Variants in RANBP10 observed in about 807,000 individuals in gnomAD.
RANBP10 encodes the protein ran-binding protein 10.
Under a neutral mutation model 72.8 loss-of-function variants are expected in RANBP10, and 24 were observed. That is an observed-to-expected ratio of 0.33 (90% confidence interval 0.24 to 0.46). The LOEUF is 0.46. Ranked by LOEUF, RANBP10 falls within the 20% of genes least tolerant of loss-of-function variation. The pLI, the probability that RANBP10 is intolerant of heterozygous loss-of-function variation, is 1.00. For synonymous variants in RANBP10, 310 were observed against 322.3 expected, an observed-to-expected ratio of 0.96 and a Z score of 0.41; for missense variants, 679 against 817.5, an observed-to-expected ratio of 0.83 and a Z score of 2.07.
rs577440903 is a variant in RANBP10, at chr16:67,748,384, G to A, written c.401-3929C>T. 4.2e-4 allele frequency among the ~76,000 whole-genome samples: 64 copies of A among 151,804 alleles called. 1 individual carries two copies. Among genetic ancestry groups the A allele is most frequent in the Non-Finnish European group, 6.0e-4 (41 of 67,942 alleles). ...AAAATACAAAAAAAATTAGCCGGGC[G>A]TGGTGGCGGGCGCCTGTAATCCCAA... On this transcript the variant is annotated intron_variant, in intron 3 of 13. Transcript: ENST00000317506.
rs1373558324 is a variant in RANBP10 at position 67,728,442 on chromosome 16, A to G, written c.1422T>C (p.Ile474=). 20 of 1,613,956 alleles carry G rather than the reference A, an allele frequency of 1.2e-5. No homozygotes were observed. The Admixed American group carries it at 2.7e-4, about 22-fold the overall frequency. ...CCTCATGCTTGTAGGCACCATTAACAATGCGTGTGGACATGCTTCCTAGCA... is the reference window on the plus strand; with the variant it reads ...CCTCATGCTTGTAGGCACCATTAACGATGCGTGTGGACATGCTTCCTAGCA... The part of the protein sequence containing the change: ...NGVLGSMSTR[I]VNGAYKHEDL... Residue 474 remains isoleucine, a synonymous_variant, in exon 11 of 14, where the codon ATT becomes ATC. Transcript: ENST00000317506.
intron 3 of RANBP10, among the ~76,000 whole-genome samples, chr16:67,768,393 C>T (rs920728889): frequency 1.3e-5 from 2 of 151,800 alleles, no homozygotes; most frequent in African/African-American, 2.4e-5. Flanking sequence ...TGGTGGTGTG[C>T]GCCTGTAATC....
At chr16:67,791,543 G>A (rs1195847101) in intron 2 of RANBP10, among the ~76,000 whole-genome samples, 2 of 152,148 alleles carry the variant, frequency 1.3e-5, no homozygotes, top group Non-Finnish European at 2.9e-5. Context: ...GTTGGAGGCT[G>A]CAGGAAGGTA....
intron 3 of RANBP10, among the ~76,000 whole-genome samples, chr16:67,745,366 C>A (rs1204877550): frequency 6.6e-6 from 1 of 151,032 alleles, no homozygotes; most frequent in Non-Finnish European, 1.5e-5. Context: ...ACAGAGTCTC[C>A]CTCTGTCACC....
chr16:67,775,011 G>T (rs1196443356), intron 2 of RANBP10, among the ~76,000 whole-genome samples: 2 of 152,124 alleles, frequency 1.3e-5, no homozygotes, highest in African/African-American at 4.8e-5. Context: ...ACACAACAAA[G>T]GTCATATATG....
intron 2 of RANBP10, among the ~76,000 whole-genome samples, chr16:67,781,808 T>A (rs997979957): frequency 3.9e-5 from 6 of 152,118 alleles, no homozygotes; most frequent in African/African-American, 7.2e-5. Flanking sequence ...TAGGCACTGC[T>A]TGGGACAAGT....
At chr16:67,787,727 T>A (rs1481542975) in intron 2 of RANBP10, among the ~76,000 whole-genome samples, 1 of 151,978 alleles carries the variant, frequency 6.6e-6, no homozygotes, top group African/African-American at 2.4e-5. Context: ...CTAGGCTGGG[T>A]ATGGTGGCAC....
intron 3 of RANBP10, among the ~76,000 whole-genome samples, chr16:67,745,266 G>A (rs1361814724): frequency 1.3e-5 from 2 of 152,158 alleles, no homozygotes; most frequent in Non-Finnish European, 1.5e-5. Context: ...GTGAGCCACC[G>A]TGCCTGGCCT....
chr16:67,731,491 C>G lies in RANBP10; in HGVS notation c.870G>C (p.Ala290=), dbSNP rs148003064. 13 of 1,613,442 alleles carry G rather than the reference C, an allele frequency of 8.1e-6. No homozygotes were observed. Among genetic ancestry groups the G allele is most frequent in the Middle Eastern group, 1.6e-4 (1 of 6,084 alleles). The change falls in exon 7 of 14, where the codon GCG becomes GCC. Residue 290 remains alanine, a synonymous_variant. Transcript: ENST00000317506. ...MTETPIQEEQ[A]SIKNRQKIQK... is the part of the protein sequence containing the mutation. ...CCTTACTTTGTCTGTTCTTTATGGA[C>G]GCCTGTTCTTCCTGAATCGGGGTTT...
At chr16:67,791,216 T>C (rs2055021636) in intron 2 of RANBP10, among the ~76,000 whole-genome samples, 1 of 151,962 alleles carries the variant, frequency 6.6e-6, no homozygotes, top group Non-Finnish European at 1.5e-5. Flanking sequence ...GGTTTCACCA[T>C]GTTAGCCAGG....
At chr16:67,799,445 G>GCT (rs1567717721) in intron 2 of RANBP10, among the ~76,000 whole-genome samples, 2 of 151,860 alleles carry the variant, frequency 1.3e-5, no homozygotes, top group African/African-American at 2.4e-5. Flanking sequence ...CCGCCACCAT[G>GCT]CCTGGCTAAT....
At position 67,790,045 on chromosome 16, in the gene RANBP10, G is replaced by A. The variant is rs188010281; in HGVS notation, c.347+15383C>T. ...TGGGAGGCGGAGGTTGCAGTGAGCC[G>A]AGATCGCACCACTGCACTCCAGCCT... On this transcript the variant is annotated intron_variant, in intron 2 of 13. Coordinates refer to ENST00000317506, the MANE Select transcript of RANBP10 (RefSeq NM_020850.3). Among the ~76,000 whole-genome samples, 1,123 of 151,190 alleles carry A rather than the reference G, an allele frequency of 7.4e-3. 48 individuals carry two copies. The highest frequency in any genetic ancestry group is 0.026 in the African/African-American group (1,065 of 40,906).
At chr16:67,768,479 C>A (rs1480040132) in intron 3 of RANBP10, among the ~76,000 whole-genome samples, 2 of 151,972 alleles carry the variant, frequency 1.3e-5, no homozygotes, top group Non-Finnish European at 1.5e-5. Context: ...CGAGATCGTG[C>A]CAGTTCACTA....
intron 7 of RANBP10, chr16:67,731,125 T>C (rs569270075): frequency 7.0e-6 from 2 of 285,922 alleles, no homozygotes; most frequent in African/African-American, 4.5e-5. Context: ...CAAACAGCCT[T>C]CCTGGAAGAC....
Position 67,724,805 on chromosome 16 carries a change from G to C in RANBP10, c.*1623C>G, listed in dbSNP as rs942162748. Reference sequence around the variant, plus strand: ...GTCCACCAATATGGAGCAGGAGCTTGCAAAGCCCAGATTCAGGCAGGGACT... The same window carrying C: ...GTCCACCAATATGGAGCAGGAGCTTCCAAAGCCCAGATTCAGGCAGGGACT... On this transcript the variant is annotated 3_prime_UTR_variant, in exon 14 of 14. Coordinates refer to ENST00000317506, the MANE Select transcript of RANBP10 (RefSeq NM_020850.3). 3 of 152,290 alleles carry C rather than the reference G, an allele frequency of 2.0e-5. No individual in the cohort carries two copies. Among genetic ancestry groups the C allele is most frequent in the Non-Finnish European group, 4.4e-5 (3 of 68,080 alleles). 9.4% of individuals were successfully genotyped at this position (152,290 alleles called of 1,614,324 possible). A position where few individuals can be genotyped will look rare whatever the true frequency, so the allele number is the denominator to read the frequency against.
At chr16:67,795,552 CAAAT>C (rs1244456342) in intron 2 of RANBP10, among the ~76,000 whole-genome samples, 1 of 151,480 alleles carries the variant, frequency 6.6e-6, no homozygotes, top group African/African-American at 2.4e-5. Flanking sequence ...AATAAACAAA[CAAAT>C]AAAATAATTT....
At chr16:67,740,808 T>C (rs991692746) in intron 4 of RANBP10, among the ~76,000 whole-genome samples, 1 of 152,254 alleles carries the variant, frequency 6.6e-6, no homozygotes, top group South Asian at 2.1e-4. Flanking sequence ...ATAAGCCGCA[T>C]GGTCTGCCTG....
chr16:67,729,463 C>G lies in RANBP10; in HGVS notation c.1169G>C (p.Ser390Thr), dbSNP rs1476710328. Residue 390 changes from serine to threonine, a missense_variant, in exon 10 of 14, where the codon AGC (serine) becomes ACC (threonine). Ser to Thr is a moderately conservative substitution (Grantham distance 58). Transcript: ENST00000317506. This position sits in a 1 kb window ranked among gnomAD's most constrained non-coding sequence, Gnocchi z 7.1. ...HNTGADSPSC[S>T]NGVASTKSKQ... ...GCTCTTGGTGGACGCGACGCCATTG[C>G]TACAGCTGGGACTGTCTGCTCCTAG... The G allele has an allele frequency of 5.0e-6, 8 of 1,612,764 alleles. No individual in the cohort carries two copies. Among genetic ancestry groups the G allele is most frequent in the Non-Finnish European group, 6.8e-6 (8 of 1,179,648 alleles).
intron 3 of RANBP10, among the ~76,000 whole-genome samples, chr16:67,760,244 G>A (rs555556058): frequency 6.6e-6 from 1 of 152,322 alleles, no homozygotes; most frequent in Admixed American, 6.5e-5. Context: ...AGGACAGGGA[G>A]GAACGATATC....
Sources: gnomAD v4.1 joint callset for allele counts (sites outside exome capture counted in the v4.1 genomes callset) on GRCh38, gnomAD v4.1.1 for gene constraint, Gnocchi (gnomAD v3.1) non-coding constraint, MANE v1.5 for transcripts, NCBI Gene and HGNC (gene_info 2026-07-23, HGNC 2026-07-21) for gene names.